The following RSPO2 variants were observed in gnomAD, a reference collection of about 807,000 sequenced individuals.
The protein encoded by RSPO2 is R-spondin 2.
In RSPO2, 14 loss-of-function variants were observed where a neutral mutation model predicts 30.9. That is an observed-to-expected ratio of 0.45 (90% CI 0.30 to 0.71). RSPO2 has a LOEUF of 0.71. RSPO2 is among the 30% of genes least tolerant of loss of function. RSPO2 has a pLI of 0.08. For missense variants in RSPO2, 264 were observed against 301.9 expected (o/e 0.87, Z 0.93); for synonymous variants, 107 against 96.4 (o/e 1.11, Z -0.64).
rs182398993 is a variant in RSPO2, at chr8:108,055,098, G to C, written c.94+27447C>G. On this transcript the variant is annotated intron_variant, in intron 2 of 5. Transcript: ENST00000276659. Reference sequence around the variant, plus strand: ...ATCGCACCACTGCACTCCAGCCTGGGTGACAGAGCAAGACCTTGTATCAAA... The same window carrying C: ...ATCGCACCACTGCACTCCAGCCTGGCTGACAGAGCAAGACCTTGTATCAAA... Among the ~76,000 whole-genome samples the C allele has an allele frequency of 1.3e-4, 20 of 152,242 alleles. No individual in the cohort carries two copies. In the East Asian group the frequency reaches 3.7e-3, roughly 28 times the overall value.
chr8:108,081,291 C>A lies in RSPO2; in HGVS notation c.94+1254G>T, dbSNP rs572739408. On this transcript the variant is annotated intron_variant, in intron 2 of 5. Transcript: ENST00000276659. ...GCTTAACAATGTCCTAAAAAGCCAT[C>A]AAAAAAATAAGGTTCGGAAAGTCCT... is the stretch of plus-strand genomic sequence containing the variant. Among the ~76,000 whole-genome samples the A allele has an allele frequency of 1.7e-3, 257 of 152,138 alleles. 2 individuals are homozygous for A. The highest frequency in any genetic ancestry group is 6.0e-3 in the African/African-American group (248 of 41,492).
intron 5 of RSPO2, among the ~76,000 whole-genome samples, chr8:107,955,149 C>A (rs1813381311): frequency 6.6e-6 from 1 of 152,146 alleles, no homozygotes; most frequent in Non-Finnish European, 1.5e-5. Flanking sequence ...CATTGTGAAA[C>A]TACACTCCTG....
chr8:108,046,983 G>T (rs1002075830), intron 2 of RSPO2, among the ~76,000 whole-genome samples: 1 of 152,108 alleles, frequency 6.6e-6, no homozygotes, highest in East Asian at 1.9e-4. Context: ...AGTCAAGAAA[G>T]GTTAAAGAGA....
chr8:108,060,706 GA>G (rs1812428139), intron 2 of RSPO2, among the ~76,000 whole-genome samples: 1 of 151,596 alleles, frequency 6.6e-6, no homozygotes, highest in Non-Finnish European at 1.5e-5. Flanking sequence ...ACCCCTCGAG[GA>G]GAGCAACTCC....
intron 3 of RSPO2, among the ~76,000 whole-genome samples, chr8:107,979,767 T>C (rs1342236222): frequency 6.6e-6 from 1 of 152,050 alleles, no homozygotes; most frequent in Non-Finnish European, 1.5e-5. Context: ...TGGTTCTATC[T>C]TCTAATCTCT....
Position 107,900,867 on chromosome 8 carries a change from C to T in RSPO2, c.*208G>A, listed in dbSNP as rs1811435992. 1 of 505,432 alleles carries T rather than the reference C, an allele frequency of 2.0e-6. No homozygotes were observed. The highest frequency in any genetic ancestry group is 3.6e-5 in the Admixed American group (1 of 27,744). The allele number at this position is 505,432 out of a possible 1,614,324, so 31.3% of individuals were successfully genotyped here. A position where few individuals can be genotyped will look rare whatever the true frequency, so the allele number is the denominator to read the frequency against. ...ACTGAGCCAAGTCACGGGCTGTGCA[C>T]TTACTCCTGCCTTCACAGTCTCCAG... On this transcript the variant is annotated 3_prime_UTR_variant, in exon 6 of 6. Transcript: ENST00000276659.
At chr8:108,081,010 A>G (rs1341426118) in intron 2 of RSPO2, among the ~76,000 whole-genome samples, 1 of 152,228 alleles carries the variant, frequency 6.6e-6, no homozygotes, top group Non-Finnish European at 1.5e-5. Flanking sequence ...ACAAGTATCA[A>G]TATCAAACTC....
Position 107,930,874 on chromosome 8 carries a change from C to T in RSPO2, c.616+27206G>A, listed in dbSNP as rs960118821. Among the ~76,000 whole-genome samples the T allele has an allele frequency of 3.3e-5, 5 of 152,110 alleles. No homozygotes were observed. The East Asian group carries it at 9.7e-4, about 29-fold the overall frequency. On this transcript the variant is annotated intron_variant, in intron 5 of 5. Coordinates refer to ENST00000276659, the MANE Select transcript of RSPO2 (RefSeq NM_178565.5). The stretch of plus-strand genomic sequence containing the variant: ...TGTGTGTCATTTTTCATCCCATGAC[C>T]ATATAATATGGTTCGAATCCTTACT...
At chr8:107,938,910 GCTAA>G (rs1404370491) in intron 5 of RSPO2, among the ~76,000 whole-genome samples, 9 of 152,212 alleles carry the variant, frequency 5.9e-5, no homozygotes, top group South Asian at 4.1e-4. Flanking sequence ...CATAGCGCAG[GCTAA>G]CTGAGGCAAG....
intron 2 of RSPO2, among the ~76,000 whole-genome samples, chr8:108,003,237 ATATGTATG>A (rs952971628): frequency 2.9e-4 from 14 of 47,506 alleles, no homozygotes; most frequent in African/African-American, 3.4e-4. Context: ...GTGTGTGTAT[ATATGTATG>A]TATGTATGTG....
At chr8:107,963,128 C>T (rs519364) in intron 3 of RSPO2, among the ~76,000 whole-genome samples, 54,431 of 151,350 alleles carry the variant, frequency 0.36, 11,606 homozygotes, top group East Asian at 0.66. Context: ...TTCTCAAATT[C>T]AAGTAGAATA....
chr8:108,002,048 T>C (rs574982891), intron 2 of RSPO2, among the ~76,000 whole-genome samples: 1 of 152,160 alleles, frequency 6.6e-6, no homozygotes, highest in Admixed American at 6.5e-5. Flanking sequence ...GAATTTAAAG[T>C]ATAATAAAAA....
intron 2 of RSPO2, among the ~76,000 whole-genome samples, chr8:108,057,055 C>CAAAAAAAAAAAAAAA (rs56727719): frequency 7.2e-4 from 26 of 36,084 alleles, no homozygotes; most frequent in African/African-American, 1.4e-3. Context: ...GACTCTGTCT[C>CAAAAAAAAAAAAAAA]AAAAAAAAAA....
intron 4 of RSPO2, among the ~76,000 whole-genome samples, chr8:107,960,252 G>GT (rs1054866650): frequency 4.0e-3 from 582 of 146,894 alleles, no homozygotes; most frequent in African/African-American, 0.012. Flanking sequence ...TTCTTTTCAA[G>GT]TTTTTTTTTT....
At chr8:107,928,987 T>G (rs1372702935) in intron 5 of RSPO2, among the ~76,000 whole-genome samples, 1 of 152,114 alleles carries the variant, frequency 6.6e-6, no homozygotes, top group African/African-American at 2.4e-5. Context: ...ACCAACCATA[T>G]AAATCAATCT....
chr8:108,025,295 A>T (rs1008609928), intron 2 of RSPO2, among the ~76,000 whole-genome samples: 2 of 152,144 alleles, frequency 1.3e-5, no homozygotes, highest in Non-Finnish European at 2.9e-5. Flanking sequence ...TAGGGAAGAG[A>T]ATGTAAAAAT....
At chr8:107,945,196 C>CAAT (rs1399464061) in intron 5 of RSPO2, among the ~76,000 whole-genome samples, 1 of 148,754 alleles carries the variant, frequency 6.7e-6, no homozygotes, top group African/African-American at 2.5e-5. Context: ...ATTTGGTAAC[C>CAAT]AATTCTTACA....
intron 5 of RSPO2, among the ~76,000 whole-genome samples, chr8:107,932,510 G>A (rs138099988): frequency 9.5e-4 from 144 of 152,188 alleles, no homozygotes; most frequent in African/African-American, 3.1e-3. Context: ...GAGTAATAAC[G>A]ACATGCAGAA....
At chr8:108,025,287 G>C (rs890243050) in intron 2 of RSPO2, among the ~76,000 whole-genome samples, 2 of 152,150 alleles carry the variant, frequency 1.3e-5, no homozygotes, top group African/African-American at 4.8e-5. Context: ...TCCAAGGCTA[G>C]GGAAGAGAAT....
Sources: allele counts gnomAD v4.1 joint callset (sites outside exome capture counted in the v4.1 genomes callset), GRCh38; gene constraint gnomAD v4.1.1; transcripts MANE v1.5; gene names NCBI Gene and HGNC (gene_info 2026-07-23, HGNC 2026-07-21).